CUX2: variants seen among roughly 807,000 people sequenced by gnomAD.
CUX2 encodes the protein homeobox protein cut-like 2.
Under a neutral mutation model 144.8 loss-of-function variants are expected in CUX2, and 40 were observed. The ratio of observed to expected loss-of-function variants is 0.28; its 90% CI spans 0.21 to 0.36. The LOEUF is 0.36. CUX2 is among the 10% of genes least tolerant of loss of function. The pLI, the probability that CUX2 is intolerant of heterozygous loss-of-function variation, is 1.00. For missense variants in CUX2, 1,615 were observed against 1,994.0 expected (o/e 0.81, Z 3.62); for synonymous variants, 827 against 875.6 (o/e 0.94, Z 0.98).
At chr12:111,167,756 A>G (rs1878244386) in intron 1 of CUX2, among the ~76,000 whole-genome samples, 1 of 151,958 alleles carries the variant, frequency 6.6e-6, no homozygotes, top group South Asian at 2.1e-4. Context: ...GTGCAGTGGC[A>G]TGATCTTAGC....
intron 9 of CUX2, among the ~76,000 whole-genome samples, chr12:111,298,881 G>T (rs1249089348): frequency 1.5e-4 from 23 of 152,174 alleles, no homozygotes; most frequent in Admixed American, 1.5e-3. Flanking sequence ...GACCCAGACT[G>T]CGGGAGTCCA....
chr12:111,249,435 C>A lies in CUX2; in HGVS notation c.223-14326C>A, dbSNP rs1883451719. 4.0e-5 allele frequency among the ~76,000 whole-genome samples: 5 copies of A among 124,012 alleles called. No homozygotes were observed. In the South Asian group the frequency reaches 7.3e-4, roughly 18 times the overall value. 81.4% of individuals were successfully genotyped at this position (124,012 alleles called of 152,430 possible). ...TTTTTTTTTTTTTTAAATTAATAGA[C>A]CCTTTTTTTGTTTTTTTTTTTTTTT... is the stretch of plus-strand genomic sequence containing the variant. On this transcript the variant is annotated intron_variant, in intron 3 of 21. Coordinates refer to ENST00000261726, the MANE Select transcript of CUX2 (RefSeq NM_015267.4).
chr12:111,098,494 G>A (rs1218933507), intron 1 of CUX2, among the ~76,000 whole-genome samples: 2 of 152,184 alleles, frequency 1.3e-5, no homozygotes, highest in Non-Finnish European at 2.9e-5. Context: ...ACAGGCCAAC[G>A]AGGGACCTTT....
chr12:111,341,894 A>T lies in CUX2; in HGVS notation c.3500A>T (p.Gln1167Leu), dbSNP rs1346491911. 1.2e-6 allele frequency: 2 copies of T among 1,613,954 alleles called. No homozygotes were observed. The highest frequency in any genetic ancestry group is 3.3e-5 in the Admixed American group (2 of 59,992). The change falls in exon 21 of 22, where the codon CAG (glutamine) becomes CTG (leucine). Residue 1167 changes from glutamine to leucine, a missense_variant. Physicochemically the swap from Gln to Leu is moderately radical, Grantham distance 113. Around this residue, in one of 12 missense-constraint regions of CUX2, gnomAD observed 131 missense variants for 223.1 expected, o/e 0.59. Transcript: ENST00000261726. ...CLQPQDLSLL[Q>L]IKKPRVVLAP... The stretch of plus-strand genomic sequence containing the variant: ...CAGCCCCAGGACCTGAGCCTCCTGC[A>T]GATCAAGAAGCCCCGGGTGGTGCTG...
chr12:111,263,874 A>G lies in CUX2; in HGVS notation c.301+35A>G. 1 of 1,563,442 alleles carries G rather than the reference A, an allele frequency of 6.4e-7. No individual in the cohort carries two copies. Among genetic ancestry groups the G allele is most frequent in the Non-Finnish European group, 8.8e-7 (1 of 1,133,968 alleles). On this transcript the variant is annotated intron_variant, in intron 4 of 21. Coordinates refer to ENST00000261726, the MANE Select transcript of CUX2 (RefSeq NM_015267.4). This position sits in a 1 kb window ranked among gnomAD's most constrained non-coding sequence, Gnocchi z 4.0. ...GCTTGGGCTCCGTAATTGAATAGTTAACGACAATAAATAGCCATTAGGACT... is the reference window on the plus strand; with the variant it reads ...GCTTGGGCTCCGTAATTGAATAGTTGACGACAATAAATAGCCATTAGGACT...
chr12:111,049,353 C>G (rs1870155364), intron 1 of CUX2, among the ~76,000 whole-genome samples: 1 of 152,226 alleles, frequency 6.6e-6, no homozygotes, highest in Non-Finnish European at 1.5e-5. Flanking sequence ...AACAAAAATC[C>G]CTTCCTCCAT....
intron 2 of CUX2, among the ~76,000 whole-genome samples, chr12:111,215,625 G>A (rs540882045): frequency 2.1e-4 from 32 of 152,326 alleles, no homozygotes; most frequent in Non-Finnish European, 2.5e-4. Flanking sequence ...CAGTGATGCC[G>A]AGAACCCTTC....
rs1040887616 is a variant in CUX2, at chr12:111,077,284, G to A, written c.63+43044G>A. The stretch of plus-strand genomic sequence containing the variant: ...GTTGAAAGAGGCCTTTCCTTGAAAC[G>A]CGCAGCCGTGTGGCAGGGCCCGGGA... On this transcript the variant is annotated intron_variant, in intron 1 of 21. Transcript: ENST00000261726. This position sits in a 1 kb window ranked among gnomAD's most constrained non-coding sequence, Gnocchi z 4.1. 4.6e-5 allele frequency among the ~76,000 whole-genome samples: 7 copies of A among 152,170 alleles called. No individual in the cohort carries two copies. Among genetic ancestry groups the A allele is most frequent in the African/African-American group, 1.4e-4 (6 of 41,438 alleles).
At chr12:111,224,926 G>A (rs1392888707) in intron 3 of CUX2, among the ~76,000 whole-genome samples, 1 of 151,806 alleles carries the variant, frequency 6.6e-6, no homozygotes, top group Non-Finnish European at 1.5e-5. Flanking sequence ...TTTAATTTTT[G>A]AGACAGAGTT....
intron 1 of CUX2, among the ~76,000 whole-genome samples, chr12:111,211,601 C>G (rs1287830945): frequency 6.6e-6 from 1 of 152,184 alleles, no homozygotes; most frequent in Non-Finnish European, 1.5e-5. Context: ...TAGTGTCAGA[C>G]ACGGCCGGGT....
intron 1 of CUX2, among the ~76,000 whole-genome samples, chr12:111,212,392 T>A (rs1223847958): frequency 6.6e-6 from 1 of 152,020 alleles, no homozygotes; most frequent in African/African-American, 2.4e-5. Context: ...CTGTTTCCGC[T>A]CCCCCACCAA....
At chr12:111,063,628 G>A (rs1236959547) in intron 1 of CUX2, among the ~76,000 whole-genome samples, 1 of 152,230 alleles carries the variant, frequency 6.6e-6, no homozygotes, top group Non-Finnish European at 1.5e-5. Context: ...GGCCTGCCTT[G>A]GGGGCTGGGG....
At chr12:111,328,685 C>T (rs979854839) in intron 18 of CUX2, among the ~76,000 whole-genome samples, 11 of 149,876 alleles carry the variant, frequency 7.3e-5, no homozygotes, top group Non-Finnish European at 1.0e-4. Flanking sequence ...CTGTAACCTC[C>T]GGCTCCTGGG....
intron 1 of CUX2, among the ~76,000 whole-genome samples, chr12:111,060,403 G>A (rs1472846027): frequency 2.0e-5 from 3 of 152,226 alleles, no homozygotes; most frequent in East Asian, 1.9e-4. Context: ...CATCTTTCGT[G>A]TCTGATCTGG....
chr12:111,209,703 G>C (rs566603924), intron 1 of CUX2, among the ~76,000 whole-genome samples: 1 of 152,166 alleles, frequency 6.6e-6, no homozygotes, highest in South Asian at 2.1e-4. Context: ...TCACTAGGCA[G>C]TGGGCACTTC....
At chr12:111,091,846 A>C (rs1215272357) in intron 1 of CUX2, among the ~76,000 whole-genome samples, 1 of 152,170 alleles carries the variant, frequency 6.6e-6, no homozygotes, top group African/African-American at 2.4e-5. Flanking sequence ...TCTTGCCTCC[A>C]TCACCACATG....
intron 1 of CUX2, among the ~76,000 whole-genome samples, chr12:111,193,239 C>T (rs571080600): frequency 9.8e-5 from 15 of 152,318 alleles, no homozygotes; most frequent in Admixed American, 2.0e-4. Flanking sequence ...TGCCTGACTG[C>T]GCCCCATAGC....
intron 1 of CUX2, among the ~76,000 whole-genome samples, chr12:111,094,638 C>T (rs1179581073): frequency 1.3e-5 from 2 of 152,202 alleles, no homozygotes; most frequent in East Asian, 1.9e-4. Flanking sequence ...TCTGGGACTA[C>T]AGGCGTGTGC....
rs578148344 is a variant in CUX2 at position 111,254,388 on chromosome 12, C to T, written c.223-9373C>T. Among the ~76,000 whole-genome samples, 5 of 152,284 alleles carry T rather than the reference C, an allele frequency of 3.3e-5. No homozygotes were observed. The South Asian group carries it at 1.0e-3, about 32-fold the overall frequency. On this transcript the variant is annotated intron_variant, in intron 3 of 21. Transcript: ENST00000261726. ...GCTGTTGCAGAGTTGCTGTGCACCC[C>T]GTGCCCATCATCATTGCAGGTTGAG... is the stretch of plus-strand genomic sequence containing the variant.
Sources: allele counts gnomAD v4.1 joint callset (sites outside exome capture counted in the v4.1 genomes callset), GRCh38; gene constraint gnomAD v4.1.1; regional missense constraint gnomAD v4.1.1; non-coding constraint Gnocchi (gnomAD v3.1); transcripts MANE v1.5; gene names NCBI Gene and HGNC (gene_info 2026-07-23, HGNC 2026-07-21).